MAPT: variants seen among roughly 807,000 people sequenced by gnomAD.
The protein encoded by MAPT is microtubule-associated protein tau.
MAPT carries 34 observed loss-of-function variants against 67.9 expected under a neutral mutation model. The observed-to-expected ratio is 0.50, with a 90% confidence interval of 0.38 to 0.67. The LOEUF is 0.67. MAPT is among the 30% of genes least tolerant of loss of function. MAPT has a pLI of 0.00. For synonymous variants in MAPT, 456 were observed against 464.5 expected (o/e 0.98, Z 0.23); for missense variants, 881 against 1,115.2 (o/e 0.79, Z 2.99).
Position 45,983,656 on chromosome 17 carries a change from C to T in MAPT, c.1077C>T (p.Pro359=), listed in dbSNP as rs1027734633. The T allele has an allele frequency of 3.7e-6, 6 of 1,613,878 alleles. No homozygotes were observed. Among genetic ancestry groups the T allele is most frequent in the Middle Eastern group, 1.6e-4 (1 of 6,084 alleles). Residue 359 remains proline (P), a synonymous_variant, in exon 5 of 13, where the codon CCC becomes CCT. Transcript: ENST00000262410. ...CCACAGAGATCCCAGCCTCAGAGCC[C>T]GACGGGCCCAGTGTAGGGCGGGCCA... is the stretch of plus-strand genomic sequence containing the variant. ...KVSTEIPASE[P]DGPSVGRAKG...
At chr17:45,928,027 A>G (rs962202177) in intron 1 of MAPT, among the ~76,000 whole-genome samples, 1 of 135,806 alleles carries the variant, frequency 7.4e-6, no homozygotes, top group Non-Finnish European at 1.6e-5. Context: ...AAAAAAAAAA[A>G]GCATCCTCAG....
intron 4 of MAPT, chr17:45,978,730 C>A: frequency 2.3e-6 from 1 of 442,408 alleles, no homozygotes; most frequent in Non-Finnish European, 4.0e-6. Flanking sequence ...CTAGGCCGGG[C>A]CTGGTGGCTC....
intron 1 of MAPT, among the ~76,000 whole-genome samples, chr17:45,914,670 T>C (rs1190296707): frequency 6.6e-6 from 1 of 152,144 alleles, no homozygotes; most frequent in Non-Finnish European, 1.5e-5. Flanking sequence ...AGATGTCATT[T>C]CCATTTCTCT....
chr17:45,932,702 G>A (rs563841502), intron 1 of MAPT, among the ~76,000 whole-genome samples: 1 of 151,894 alleles, frequency 6.6e-6, no homozygotes, highest in Non-Finnish European at 1.5e-5. Flanking sequence ...AATAACTTCT[G>A]TGGAGAAAAA....
rs1452189644 is a variant in MAPT at position 46,025,665 on chromosome 17, G to C, written c.*1494G>C. The C allele has an allele frequency of 6.6e-6, 1 of 152,468 alleles. No individual in the cohort carries two copies. The highest frequency in any genetic ancestry group is 6.5e-5 in the Admixed American group (1 of 15,294). The allele number at this position is 152,468 out of a possible 1,614,324, so 9.4% of individuals were successfully genotyped here. Reference sequence around the variant, plus strand: ...GGTGTTTCTGCCTTGTTGACATGGAGAGAGCCCTTTCCCCTGAGAAGGCCT... The same window carrying C: ...GGTGTTTCTGCCTTGTTGACATGGACAGAGCCCTTTCCCCTGAGAAGGCCT... On this transcript the variant is annotated 3_prime_UTR_variant, in exon 13 of 13. Transcript: ENST00000262410.
intron 1 of MAPT, among the ~76,000 whole-genome samples, chr17:45,917,465 G>T (rs545291601): frequency 1.6e-4 from 25 of 152,264 alleles, no homozygotes; most frequent in African/African-American, 6.0e-4. Flanking sequence ...GGCTGAATTC[G>T]AATTATCTTT....
At chr17:45,947,356 A>T (rs1316455712) in intron 1 of MAPT, among the ~76,000 whole-genome samples, 1 of 150,132 alleles carries the variant, frequency 6.7e-6, no homozygotes, top group East Asian at 1.9e-4. Flanking sequence ...AAGGGTGTTT[A>T]TTAAGCCTCC....
In MAPT at chr17:45,974,581, G is replaced by C; in HGVS notation, c.220+2636G>C. ...GCGTGTTTATCCTCCTGTGGGGCAG[G>C]AACATGGGTGGATTCTGGCTCCTGG... On this transcript the variant is annotated intron_variant, in intron 3 of 12. Transcript: ENST00000262410. The C allele has an allele frequency of 3.6e-6, 3 of 833,612 alleles. No individual in the cohort carries two copies. The Admixed American group carries it at 6.4e-5, about 18-fold the overall frequency. The allele number at this position is 833,612 out of a possible 1,614,324, so 51.6% of individuals were successfully genotyped here. A position where few individuals can be genotyped will look rare whatever the true frequency, so the allele number is the denominator to read the frequency against.
At chr17:45,921,433 C>A (rs571048465) in intron 1 of MAPT, among the ~76,000 whole-genome samples, 1 of 152,276 alleles carries the variant, frequency 6.6e-6, no homozygotes, top group South Asian at 2.1e-4. Context: ...AAGCCGCAGC[C>A]CCTCCTTGCC....
At chr17:45,984,148 C>G (rs1022463715) in intron 5 of MAPT, among the ~76,000 whole-genome samples, 1 of 152,224 alleles carries the variant, frequency 6.6e-6, no homozygotes, top group African/African-American at 2.4e-5. Context: ...GCCCGCCACT[C>G]TGCATGTCAC....
At chr17:45,973,029 C>A (rs62063306) in intron 3 of MAPT, 21,977 of 152,186 alleles carry the variant, frequency 0.14, 2,138 homozygotes, top group Non-Finnish European at 0.22. Context: ...CCATCCTCCC[C>A]ATGGAGTTTC....
At chr17:46,003,099 C>CGTGTGTGTGTGT (rs72293848) in intron 9 of MAPT, among the ~76,000 whole-genome samples, 9 of 145,372 alleles carry the variant, frequency 6.2e-5, no homozygotes, top group Non-Finnish European at 1.2e-4. Context: ...TTTTTAAGGG[C>CGTGTGTGTGTGT]GTGTGTGTGT....
At chr17:45,928,120 C>A (rs963661507) in intron 1 of MAPT, among the ~76,000 whole-genome samples, 3 of 151,852 alleles carry the variant, frequency 2.0e-5, no homozygotes, top group African/African-American at 7.3e-5. Flanking sequence ...TCTACTCTAA[C>A]CAGTTGTCTC....
intron 2 of MAPT, among the ~76,000 whole-genome samples, chr17:45,968,558 A>G (rs923240650): frequency 1.2e-4 from 19 of 152,198 alleles, no homozygotes; most frequent in African/African-American, 4.3e-4. Flanking sequence ...TTTCCAGACT[A>G]AAAGTCCCCA....
chr17:46,020,553 G>A (rs945857688), intron 12 of MAPT, among the ~76,000 whole-genome samples: 5 of 152,152 alleles, frequency 3.3e-5, no homozygotes, highest in Non-Finnish European at 5.9e-5. Flanking sequence ...AGACATACCC[G>A]ATACTGGGCA....
At chr17:45,966,610 G>T (rs2071107204) in intron 2 of MAPT, among the ~76,000 whole-genome samples, 1 of 152,072 alleles carries the variant, frequency 6.6e-6, no homozygotes, top group South Asian at 2.1e-4. Flanking sequence ...ATGAAATAAA[G>T]TCCAGGAAAG....
chr17:45,989,810 T>G, intron 6 of MAPT, 68 bp from the exon 7 acceptor site: 1 of 1,416,496 alleles, frequency 7.1e-7, no homozygotes, highest in Non-Finnish European at 1.0e-6. Context: ...TTACTGTCCT[T>G]TTTTCAGTTT....
chr17:46,007,582 A>G (rs2075540273), intron 9 of MAPT, among the ~76,000 whole-genome samples: 1 of 152,208 alleles, frequency 6.6e-6, no homozygotes, highest in East Asian at 1.9e-4. Context: ...AAGGGGGTAA[A>G]GGAGCGATTT....
intron 9 of MAPT, among the ~76,000 whole-genome samples, chr17:46,000,781 A>G (rs916299774): frequency 2.0e-5 from 3 of 151,882 alleles, no homozygotes; most frequent in African/African-American, 7.3e-5. Context: ...CTCTATCCCT[A>G]TTTGCAGTTT....
Sources: gnomAD v4.1 joint callset for allele counts (sites outside exome capture counted in the v4.1 genomes callset) on GRCh38, gnomAD v4.1.1 for gene constraint, MANE v1.5 for transcripts, NCBI Gene and HGNC (gene_info 2026-07-23, HGNC 2026-07-21) for gene names.